Variants in CADM2 observed in about 807,000 individuals in gnomAD.
The protein encoded by CADM2 is cell adhesion molecule 2, also known as immunoglobulin superfamily member 4D.
In CADM2, 12 loss-of-function variants were observed where a neutral mutation model predicts 49.8. That is an observed-to-expected ratio of 0.24 (90% CI 0.15 to 0.39). The LOEUF is 0.39. Among genes scored for constraint, CADM2 ranks in the 10% least tolerant of loss-of-function variants. CADM2 has a pLI of 1.00. For synonymous variants in CADM2, 214 were observed against 175.4 expected, an observed-to-expected ratio of 1.22 and a Z score of -1.74; for missense variants, 378 against 492.3, an observed-to-expected ratio of 0.77 and a Z score of 2.20.
At chr3:85,308,733 T>C (rs2044275036) in intron 1 of CADM2, among the ~76,000 whole-genome samples, 2 of 152,054 alleles carry the variant, frequency 1.3e-5, no homozygotes, top group African/African-American at 4.8e-5. Flanking sequence ...ACCCATGTTC[T>C]AGTTCGTCTC....
At chr3:85,563,419 T>C (rs987499073) in intron 1 of CADM2, among the ~76,000 whole-genome samples, 3 of 120,674 alleles carry the variant, frequency 2.5e-5, no homozygotes, top group African/African-American at 5.3e-5. Flanking sequence ...TGTGGGGGGG[T>C]GGTAATTTAG....
At chr3:85,223,555 G>T (rs989043042) in intron 1 of CADM2, among the ~76,000 whole-genome samples, 7 of 152,048 alleles carry the variant, frequency 4.6e-5, no homozygotes, top group African/African-American at 1.7e-4. Flanking sequence ...AACTATGTGT[G>T]TATTCAGAGA....
At chr3:85,899,368 C>A (rs991679040) in intron 5 of CADM2, among the ~76,000 whole-genome samples, 1 of 151,950 alleles carries the variant, frequency 6.6e-6, no homozygotes, top group Non-Finnish European at 1.5e-5. Flanking sequence ...TACATTTTGC[C>A]ATTTAGGCTT....
At chr3:86,057,629 G>T (rs1345405006) in intron 8 of CADM2, among the ~76,000 whole-genome samples, 2 of 152,084 alleles carry the variant, frequency 1.3e-5, no homozygotes, top group Non-Finnish European at 2.9e-5. Flanking sequence ...ACATATCTTT[G>T]GGGGAAGATA....
chr3:85,475,097 A>G (rs2038923780), intron 1 of CADM2, among the ~76,000 whole-genome samples: 1 of 151,932 alleles, frequency 6.6e-6, no homozygotes, highest in African/African-American at 2.4e-5. Flanking sequence ...GCTTAGGACA[A>G]TTTTTTCCTC....
chr3:85,063,721 G>A (rs2036420956), intron 1 of CADM2, among the ~76,000 whole-genome samples: 1 of 151,902 alleles, frequency 6.6e-6, no homozygotes, highest in East Asian at 1.9e-4. Flanking sequence ...ATTTTGAAAT[G>A]GAGTAAAAAT....
intron 1 of CADM2, among the ~76,000 whole-genome samples, chr3:85,025,863 T>G (rs1452189152): frequency 3.3e-5 from 5 of 152,156 alleles, no homozygotes; most frequent in Non-Finnish European, 7.4e-5. Flanking sequence ...GCTGAGAACT[T>G]TTGTATCATT....
chr3:85,342,017 C>G (rs2045253027), intron 1 of CADM2, among the ~76,000 whole-genome samples: 1 of 152,100 alleles, frequency 6.6e-6, no homozygotes, highest in Non-Finnish European at 1.5e-5. Context: ...CAAATTGGAT[C>G]TAATTAAACT....
chr3:86,039,704 A>G (rs1735612140), intron 8 of CADM2, among the ~76,000 whole-genome samples: 1 of 152,182 alleles, frequency 6.6e-6, no homozygotes, highest in African/African-American at 2.4e-5. Flanking sequence ...GCAGACTTAA[A>G]TGTCCCTGCC....
At chr3:85,581,826 C>CA (rs113694206) in intron 1 of CADM2, among the ~76,000 whole-genome samples, 5,486 of 133,042 alleles carry the variant, frequency 0.041, 213 homozygotes, top group South Asian at 0.12. Context: ...ATTTATACTT[C>CA]AAAAAAAAAA....
intron 1 of CADM2, among the ~76,000 whole-genome samples, chr3:85,450,181 TA>T (rs2037688983): frequency 1.3e-5 from 2 of 152,162 alleles, no homozygotes; most frequent in Non-Finnish European, 2.9e-5. Flanking sequence ...TGGACAGCGT[TA>T]TTTAAGGAAC....
chr3:85,697,761 A>G (rs2066616224), intron 1 of CADM2, among the ~76,000 whole-genome samples: 1 of 152,174 alleles, frequency 6.6e-6, no homozygotes. Context: ...TTGCTGGTGT[A>G]TTCCTCTTGA....
At chr3:85,619,369 TG>T (rs1325612972) in intron 1 of CADM2, among the ~76,000 whole-genome samples, 1 of 149,404 alleles carries the variant, frequency 6.7e-6, no homozygotes, top group Non-Finnish European at 1.5e-5. Flanking sequence ...AAAAAGGAAA[TG>T]GGGGGACAGA....
chr3:85,186,140 G>A (rs2041055691), intron 1 of CADM2, among the ~76,000 whole-genome samples: 1 of 152,068 alleles, frequency 6.6e-6, no homozygotes, highest in African/African-American at 2.4e-5. Context: ...AAACTAGAAC[G>A]GAGACAACAG....
chr3:85,767,337 G>T (rs2069710531), intron 2 of CADM2, among the ~76,000 whole-genome samples: 4 of 152,156 alleles, frequency 2.6e-5, no homozygotes, highest in Admixed American at 2.0e-4. Flanking sequence ...GGCATGTAAT[G>T]AAATGATAAA....
rs201739282 is a variant in CADM2 at position 85,635,677 on chromosome 3, TA to T, written c.62-90838del. 8.5e-3 allele frequency among the ~76,000 whole-genome samples: 1,298 copies of T among 152,202 alleles called. 9 individuals are homozygous for T. The highest frequency in any genetic ancestry group is 0.014 in the Non-Finnish European group (951 of 67,990). ...ATCATGGGTAATTTATTTTAGGACA[TA>T]AAAAAATTTAGTGCATACAATTTAA... On this transcript the variant is annotated intron_variant, in intron 1 of 9. Transcript: ENST00000383699.
intron 1 of CADM2, among the ~76,000 whole-genome samples, chr3:85,641,602 G>T (rs544102085): frequency 1.2e-4 from 19 of 152,068 alleles, no homozygotes; most frequent in Non-Finnish European, 2.2e-4. Flanking sequence ...ACCTCTGGGG[G>T]ACAGAGATAT....
At position 85,789,272 on chromosome 3, in the gene CADM2, G is replaced by T. The variant is rs555203451; in HGVS notation, c.89-12775G>T. The stretch of plus-strand genomic sequence containing the variant: ...CTTCACTATGAACCAGACTGTGATT[G>T]TGGTCATAAATTTCTTTTCTCTGGA... On this transcript the variant is annotated intron_variant, in intron 2 of 9. Transcript: ENST00000383699. 4.6e-5 allele frequency among the ~76,000 whole-genome samples: 7 copies of T among 152,242 alleles called. No homozygotes were observed. The East Asian group carries it at 7.7e-4, about 17-fold the overall frequency.
At chr3:85,123,586 C>T (rs2038934108) in intron 1 of CADM2, among the ~76,000 whole-genome samples, 1 of 151,860 alleles carries the variant, frequency 6.6e-6, no homozygotes, top group Non-Finnish European at 1.5e-5. Context: ...GATTTTCTTT[C>T]CCTAGGAAGG....
Sources: allele counts gnomAD v4.1 joint callset (sites outside exome capture counted in the v4.1 genomes callset), GRCh38; gene constraint gnomAD v4.1.1; transcripts MANE v1.5; gene names NCBI Gene and HGNC (gene_info 2026-07-23, HGNC 2026-07-21).